Variants in TRHDE observed in about 807,000 individuals in gnomAD.
TRHDE encodes the protein thyrotropin-releasing hormone-degrading ectoenzyme.
TRHDE carries 72 observed loss-of-function variants against 125.7 expected under a neutral mutation model. That is an observed-to-expected ratio of 0.57 (90% CI 0.47 to 0.70). The LOEUF is 0.70. Ranked by LOEUF, TRHDE falls within the 30% of genes least tolerant of loss-of-function variation. The pLI is 0.00. For synonymous variants in TRHDE, 509 were observed against 509.1 expected (o/e 1.00, Z 0.00); for missense variants, 1,110 against 1,327.1 (o/e 0.84, Z 2.54).
intron 2 of TRHDE, among the ~76,000 whole-genome samples, chr12:72,227,065 A>G (rs911340342): frequency 6.6e-6 from 1 of 152,230 alleles, no homozygotes; most frequent in African/African-American, 2.4e-5. Context: ...CATTTCAAAA[A>G]CAATGGAAAC....
chr12:72,214,220 G>T (rs959530188), intron 2 of TRHDE, among the ~76,000 whole-genome samples: 9 of 152,220 alleles, frequency 5.9e-5, no homozygotes, highest in South Asian at 2.1e-4. Context: ...CCAGAGCACT[G>T]CATTCTGAAT....
chr12:72,625,588 G>A (rs1290850736), intron 15 of TRHDE, among the ~76,000 whole-genome samples: 4 of 151,844 alleles, frequency 2.6e-5, no homozygotes, highest in South Asian at 4.1e-4. Flanking sequence ...TGTCTTTAAT[G>A]ATGATCATAA....
At chr12:72,448,142 G>C (rs1456509779) in intron 3 of TRHDE, among the ~76,000 whole-genome samples, 1 of 151,996 alleles carries the variant, frequency 6.6e-6, no homozygotes, top group Non-Finnish European at 1.5e-5. Context: ...GTGCTTTATG[G>C]ATTAGGAAAC....
Position 72,583,921 on chromosome 12 carries a change from A to C in TRHDE, c.2321+8379A>C, listed in dbSNP as rs558714818. On this transcript the variant is annotated intron_variant, in intron 12 of 18. Transcript: ENST00000261180. ...AGGCTTGTGGCTCTAAAGGATGACA[A>C]ACTTTTTTTTTTTTTTTTTTTTTTT... is the stretch of plus-strand genomic sequence containing the variant. 1.3e-4 allele frequency among the ~76,000 whole-genome samples: 14 copies of C among 104,574 alleles called. 1 individual carries two copies. The highest frequency in any genetic ancestry group is 2.2e-4 in the Non-Finnish European group (13 of 60,142). 68.6% of individuals were successfully genotyped at this position (104,574 alleles called of 152,430 possible). A position where few individuals can be genotyped will look rare whatever the true frequency, so the allele number is the denominator to read the frequency against.
intron 3 of TRHDE, among the ~76,000 whole-genome samples, chr12:72,444,918 GT>G (rs1475206712): frequency 1.1e-4 from 17 of 151,798 alleles, no homozygotes; most frequent in Non-Finnish European, 1.0e-4. Flanking sequence ...GTAGTAAGCA[GT>G]TTTCATGACT....
chr12:72,650,752 G>A (rs1343219695), intron 15 of TRHDE, among the ~76,000 whole-genome samples: 1 of 151,914 alleles, frequency 6.6e-6, no homozygotes, highest in Non-Finnish European at 1.5e-5. Flanking sequence ...ATAATGCACT[G>A]TTGTGCTCTG....
intron 2 of TRHDE, among the ~76,000 whole-genome samples, chr12:72,110,368 G>T (rs1487329296): frequency 6.6e-6 from 1 of 152,006 alleles, no homozygotes; most frequent in Non-Finnish European, 1.5e-5. Flanking sequence ...AAGGTACAGA[G>T]AGTTTAAATA....
At chr12:72,299,568 C>G (rs1469166545) in intron 2 of TRHDE, among the ~76,000 whole-genome samples, 1 of 152,110 alleles carries the variant, frequency 6.6e-6, no homozygotes, top group Non-Finnish European at 1.5e-5. Context: ...CCGTGTTCAA[C>G]AATGAACTGA....
At chr12:72,424,066 A>C (rs538737960) in intron 3 of TRHDE, among the ~76,000 whole-genome samples, 1 of 152,336 alleles carries the variant, frequency 6.6e-6, no homozygotes, top group African/African-American at 2.4e-5. Context: ...AAATTATTTG[A>C]AAGAAACTGG....
At chr12:72,656,840 C>T (rs376376548) in intron 17 of TRHDE, 87 bp from the exon 18 acceptor site, 2 of 911,182 alleles carry the variant, frequency 2.2e-6, no homozygotes, top group East Asian at 2.7e-5. Flanking sequence ...CAAATCGAAC[C>T]CTTGAGAAAA....
At chr12:72,285,919 G>A (rs1166398039) in intron 1 of TRHDE, among the ~76,000 whole-genome samples, 3 of 152,212 alleles carry the variant, frequency 2.0e-5, no homozygotes, top group South Asian at 2.1e-4. Context: ...AATAAGATAC[G>A]GCTTGATCTG....
intron 3 of TRHDE, among the ~76,000 whole-genome samples, chr12:72,381,282 A>T (rs532739943): frequency 6.6e-6 from 1 of 152,222 alleles, no homozygotes; most frequent in Admixed American, 6.5e-5. Context: ...ACAACCAGAT[A>T]AGAGGCTATG....
intron 2 of TRHDE, among the ~76,000 whole-genome samples, chr12:72,324,520 TG>T (rs1297833083): frequency 6.6e-6 from 1 of 152,072 alleles, no homozygotes; most frequent in Admixed American, 6.5e-5. Context: ...AGACATGAGC[TG>T]AATATTCCTC....
chr12:72,185,477 C>G (rs528639227), intron 2 of TRHDE, among the ~76,000 whole-genome samples: 1 of 152,246 alleles, frequency 6.6e-6, no homozygotes, highest in South Asian at 2.1e-4. Context: ...AGCCCCTGTG[C>G]GGGATCCACT....
chr12:72,387,940 G>A (rs1404222801), intron 3 of TRHDE, among the ~76,000 whole-genome samples: 1 of 152,066 alleles, frequency 6.6e-6, no homozygotes, highest in Admixed American at 6.6e-5. Flanking sequence ...TCTCAGGTAC[G>A]TCTTTATCAG....
intron 12 of TRHDE, among the ~76,000 whole-genome samples, chr12:72,587,132 T>G (rs1171850201): frequency 2.0e-5 from 3 of 152,228 alleles, no homozygotes; most frequent in Non-Finnish European, 4.4e-5. Context: ...TTTCAACTGA[T>G]AGTGAAACTA....
intron 15 of TRHDE, among the ~76,000 whole-genome samples, chr12:72,625,943 A>G (rs1873241528): frequency 6.6e-6 from 1 of 151,988 alleles, no homozygotes; most frequent in Non-Finnish European, 1.5e-5. Flanking sequence ...CTTTATGTAC[A>G]TGGGTTGCAT....
chr12:72,223,299 G>C (rs1249706959), intron 2 of TRHDE, among the ~76,000 whole-genome samples: 1 of 152,074 alleles, frequency 6.6e-6, no homozygotes, highest in Non-Finnish European at 1.5e-5. Flanking sequence ...ATGGAAGCTT[G>C]GCATCCAGAG....
intron 3 of TRHDE, among the ~76,000 whole-genome samples, chr12:72,410,689 T>C (rs1873458048): frequency 6.6e-6 from 1 of 151,938 alleles, no homozygotes; most frequent in Non-Finnish European, 1.5e-5. Context: ...CTTAGCAAAT[T>C]AGGATCAGCA....
Sources: gnomAD v4.1 joint callset for allele counts (sites outside exome capture counted in the v4.1 genomes callset) on GRCh38, gnomAD v4.1.1 for gene constraint, MANE v1.5 for transcripts, NCBI Gene and HGNC (gene_info 2026-07-23, HGNC 2026-07-21) for gene names.